Variants in PTPRD observed in about 807,000 individuals in gnomAD.
PTPRD encodes receptor-type tyrosine-protein phosphatase delta.
A neutral mutation model predicts 214.5 loss-of-function variants in PTPRD; 34 were observed. The ratio of observed to expected loss-of-function variants is 0.16; its 90% CI spans 0.12 to 0.21. PTPRD has a LOEUF of 0.21. Ranked by LOEUF, PTPRD falls within the 10% of genes least tolerant of loss-of-function variation. The probability of loss-of-function intolerance (pLI) is 1.00; values close to 1 mark genes in which losing one functional copy is unlikely to be tolerated. For synonymous variants in PTPRD, 1,128 were observed against 845.7 expected, an observed-to-expected ratio of 1.33 and a Z score of -5.79; for missense variants, 2,545 against 2,398.7, an observed-to-expected ratio of 1.06 and a Z score of -1.27.
chr9:9,907,557 C>G (rs1000097186), intron 5 of PTPRD, among the ~76,000 whole-genome samples: 1 of 151,934 alleles, frequency 6.6e-6, no homozygotes, highest in Non-Finnish European at 1.5e-5. Context: ...GGATATCAGT[C>G]ATGTAGGATC....
chr9:9,115,512 G>A (rs112414878), intron 10 of PTPRD, among the ~76,000 whole-genome samples: 2 of 152,096 alleles, frequency 1.3e-5, no homozygotes, highest in Non-Finnish European at 2.9e-5. Context: ...AAAAGGCAAT[G>A]CTTATACACT....
chr9:8,339,097 T>A (rs1849783729), intron 42 of PTPRD, 50 bp from the exon 43 acceptor site: 1 of 1,550,236 alleles, frequency 6.5e-7, no homozygotes, highest in Admixed American at 1.8e-5. Context: ...TAAAGAACAT[T>A]CTGTATATTA....
At chr9:8,724,045 G>T (rs2098531292) in intron 12 of PTPRD, among the ~76,000 whole-genome samples, 1 of 152,120 alleles carries the variant, frequency 6.6e-6, no homozygotes, top group African/African-American at 2.4e-5. Flanking sequence ...AATGTCTTTT[G>T]TAGTAAGGCA....
rs1365411937 is a variant in PTPRD, at chr9:8,370,205, TATACACAC to T, written c.4661+5723_4661+5730del. On this transcript the variant is annotated intron_variant, in intron 39 of 45. Transcript: ENST00000381196. ...TCTATTCATGCACTGCACATATATA[TATACACAC>T]ACACACACACACACACACACACACA... is the stretch of plus-strand genomic sequence containing the variant. Among the ~76,000 whole-genome samples, 180 of 63,460 alleles carry T rather than the reference TATACACAC, an allele frequency of 2.8e-3. 2 individuals carry two copies. The highest frequency in any genetic ancestry group is 5.9e-3 in the African/African-American group (175 of 29,730). 41.6% of individuals were successfully genotyped at this position (63,460 alleles called of 152,430 possible). A position where few individuals can be genotyped will look rare whatever the true frequency, so the allele number is the denominator to read the frequency against.
chr9:10,426,311 A>AC, intron 2 of PTPRD, among the ~76,000 whole-genome samples: 1 of 152,058 alleles, frequency 6.6e-6, no homozygotes, highest in South Asian at 2.1e-4. Flanking sequence ...GCTCTGAGTT[A>AC]CTTTTTTTTC....
At position 8,319,862 on chromosome 9, in the gene PTPRD, C is replaced by T. The variant is rs780727316; in HGVS notation, c.5639G>A (p.Arg1880Lys). The change falls in exon 45 of 46, where the codon AGA (arginine) becomes AAA (lysine). Residue 1880 changes from arginine (R) to lysine (K), a missense_variant. Transcript: ENST00000381196. The part of the protein sequence containing the change: ...VDIFQTVKML[R>K]TQRPAMVQTE... ...CTGTACCATAGCTGGTCGTTGTGTT[C>T]TTAACATTTTGACAGTCTGGAAGAT... The T allele has an allele frequency of 6.8e-6, 11 of 1,612,566 alleles. No individual in the cohort carries two copies. The highest frequency in any genetic ancestry group is 9.3e-6 in the Non-Finnish European group (11 of 1,179,276).
chr9:8,578,354 A>G (rs1387562924), intron 14 of PTPRD, among the ~76,000 whole-genome samples: 1 of 152,048 alleles, frequency 6.6e-6, no homozygotes, highest in African/African-American at 2.4e-5. Flanking sequence ...CAGAGCCCCC[A>G]CCCTCCAACC....
intron 12 of PTPRD, among the ~76,000 whole-genome samples, chr9:8,655,248 T>A (rs1212958938): frequency 6.6e-6 from 1 of 152,200 alleles, no homozygotes; most frequent in African/African-American, 2.4e-5. Flanking sequence ...CTAAGGCACC[T>A]AAATAATCAA....
intron 33 of PTPRD, among the ~76,000 whole-genome samples, chr9:8,453,881 T>C (rs1401864091): frequency 6.6e-6 from 1 of 152,142 alleles, no homozygotes; most frequent in Non-Finnish European, 1.5e-5. Flanking sequence ...GAATATGGCA[T>C]TGGGAGAAAG....
At chr9:9,313,878 G>C (rs1442079324) in intron 9 of PTPRD, among the ~76,000 whole-genome samples, 2 of 152,012 alleles carry the variant, frequency 1.3e-5, no homozygotes, top group Non-Finnish European at 2.9e-5. Context: ...TTCACGTGTT[G>C]ATTTCTTTAC....
At chr9:8,505,168 T>A (rs959075368) in intron 22 of PTPRD, among the ~76,000 whole-genome samples, 3 of 152,196 alleles carry the variant, frequency 2.0e-5, no homozygotes, top group Non-Finnish European at 4.4e-5. Flanking sequence ...GTGCTTAAAA[T>A]TTGTCATTTA....
intron 36 of PTPRD, among the ~76,000 whole-genome samples, chr9:8,403,144 A>G (rs2092612838): frequency 6.6e-6 from 1 of 152,202 alleles, no homozygotes; most frequent in Non-Finnish European, 1.5e-5. Flanking sequence ...TCACTTTCAA[A>G]TAAATTTTGG....
chr9:8,457,104 G>T (rs1158264472), intron 33 of PTPRD, among the ~76,000 whole-genome samples: 1 of 152,124 alleles, frequency 6.6e-6, no homozygotes, highest in Non-Finnish European at 1.5e-5. Flanking sequence ...GGTGTTTAAT[G>T]TTTTCAGATT....
chr9:10,345,949 G>A (rs10809073), intron 2 of PTPRD, among the ~76,000 whole-genome samples: 38,039 of 151,894 alleles, frequency 0.25, 5,261 homozygotes, highest in Admixed American at 0.35. Context: ...TTTAATGATC[G>A]CCATTCTAAC....
chr9:10,095,587 A>G (rs2098475119), intron 3 of PTPRD, among the ~76,000 whole-genome samples: 1 of 151,548 alleles, frequency 6.6e-6, no homozygotes, highest in African/African-American at 2.4e-5. Flanking sequence ...AACAAACATG[A>G]TATTTGATAA....
At chr9:9,442,017 A>G (rs1387415597) in intron 8 of PTPRD, 2 of 152,272 alleles carry the variant, frequency 1.3e-5, no homozygotes, top group Non-Finnish European at 2.9e-5. Context: ...GAGCTTGAAA[A>G]CAAAAATCTG....
At chr9:9,350,854 C>T (rs1048143520) in intron 9 of PTPRD, among the ~76,000 whole-genome samples, 6 of 151,980 alleles carry the variant, frequency 3.9e-5, no homozygotes, top group African/African-American at 1.4e-4. Flanking sequence ...CCTCAGATAA[C>T]GAGGTCAGCC....
intron 2 of PTPRD, among the ~76,000 whole-genome samples, chr9:10,603,808 G>C (rs1293783520): frequency 6.6e-6 from 1 of 151,776 alleles, no homozygotes; most frequent in Admixed American, 6.6e-5. Context: ...AAAGATCATA[G>C]TGACCTTGAA....
At chr9:9,850,528 G>T (rs1212207929) in intron 5 of PTPRD, among the ~76,000 whole-genome samples, 1 of 151,936 alleles carries the variant, frequency 6.6e-6, no homozygotes, top group East Asian at 1.9e-4. Flanking sequence ...AAGGGGAAGA[G>T]AATATTTAAT....
Sources: allele counts gnomAD v4.1 joint callset (sites outside exome capture counted in the v4.1 genomes callset), GRCh38; gene constraint gnomAD v4.1.1; transcripts MANE v1.5; gene names NCBI Gene and HGNC (gene_info 2026-07-23, HGNC 2026-07-21).